IPO9: variants seen among roughly 807,000 people sequenced by gnomAD.
The protein encoded by IPO9 is importin 9.
In IPO9, 28 loss-of-function variants were observed where a neutral mutation model predicts 128.6. The ratio of observed to expected loss-of-function variants is 0.22; its 90% CI spans 0.16 to 0.30. The LOEUF (loss-of-function observed/expected upper bound fraction) is 0.30, where lower values mean the gene tolerates loss of function less well. Ranked by LOEUF, IPO9 falls within the 10% of genes least tolerant of loss-of-function variation. The pLI, the probability that IPO9 is intolerant of heterozygous loss-of-function variation, is 1.00. For synonymous variants in IPO9, 455 were observed against 475.8 expected, an observed-to-expected ratio of 0.96 and a Z score of 0.57; for missense variants, 935 against 1,293.9, an observed-to-expected ratio of 0.72 and a Z score of 4.26.
intron 20 of IPO9, among the ~76,000 whole-genome samples, chr1:201,873,203 G>A (rs1276951309): frequency 1.3e-5 from 2 of 152,164 alleles, no homozygotes; most frequent in East Asian, 3.9e-4. Flanking sequence ...AGCACTTGGT[G>A]GGAGGCCAGA....
intron 13 of IPO9, among the ~76,000 whole-genome samples, chr1:201,859,350 C>T (rs575915424): frequency 6.6e-6 from 1 of 151,662 alleles, no homozygotes; most frequent in African/African-American, 2.4e-5. Context: ...GCCCAGAGGC[C>T]GATTCAAGCT....
At position 201,870,193 on chromosome 1, in the gene IPO9, A is replaced by G. The variant is rs1001756900; in HGVS notation, c.2134-390A>G. Among the ~76,000 whole-genome samples, 6 of 152,186 alleles carry G rather than the reference A, an allele frequency of 3.9e-5. No individual in the cohort carries two copies. Among genetic ancestry groups the G allele is most frequent in the African/African-American group, 1.2e-4 (5 of 41,444 alleles). On this transcript the variant is annotated intron_variant, in intron 17 of 23. Transcript: ENST00000361565. The surrounding 1 kb of genome is among the most constrained non-coding windows in gnomAD (Gnocchi z 4.9). The stretch of plus-strand genomic sequence containing the variant: ...CCAGTGAATATTGATCAGCTTGGAA[A>G]TCCCTAGGCAACTAGTGGTTTGTGT...
intron 1 of IPO9, among the ~76,000 whole-genome samples, chr1:201,831,777 G>T (rs1435820616): frequency 1.3e-5 from 2 of 152,146 alleles, no homozygotes; most frequent in African/African-American, 4.8e-5. Flanking sequence ...GATGAAACTG[G>T]CAGGACATGG....
At chr1:201,833,250 A>G (rs1478172133) in intron 1 of IPO9, among the ~76,000 whole-genome samples, 1 of 134,354 alleles carries the variant, frequency 7.4e-6, no homozygotes, top group Non-Finnish European at 1.6e-5. Context: ...TTTTAATTTT[A>G]TTTTTTGAGA....
At chr1:201,852,647 T>C (rs930153576) in intron 5 of IPO9, among the ~76,000 whole-genome samples, 3 of 152,232 alleles carry the variant, frequency 2.0e-5, no homozygotes, top group African/African-American at 7.2e-5. Flanking sequence ...TGATGGATAA[T>C]GTTTTAACTT....
intron 1 of IPO9, among the ~76,000 whole-genome samples, chr1:201,844,397 G>A (rs746004131): frequency 6.6e-6 from 1 of 152,134 alleles, no homozygotes; most frequent in Non-Finnish European, 1.5e-5. Flanking sequence ...TTCACCAGAA[G>A]TGTTCTGGTC....
rs1028818137 is a variant in IPO9, at chr1:201,881,528, G to A, written c.*5474G>A. On this transcript the variant is annotated 3_prime_UTR_variant, in exon 24 of 24. Transcript: ENST00000361565. ...TTTCATTTTCAGACCTTATAAGCAC[G>A]TTACAAGTACTGATATTTATGCTTA... 6.6e-6 allele frequency: 1 copy of A among 152,146 alleles called. No individual in the cohort carries two copies. Among genetic ancestry groups the A allele is most frequent in the African/African-American group, 2.4e-5 (1 of 41,426 alleles). The allele number at this position is 152,146 out of a possible 1,614,324, so 9.4% of individuals were successfully genotyped here. A position where few individuals can be genotyped will look rare whatever the true frequency, so the allele number is the denominator to read the frequency against.
intron 3 of IPO9, 32 bp downstream of exon 3, chr1:201,847,670 G>A (rs754546904): frequency 4.9e-6 from 7 of 1,420,204 alleles, no homozygotes; most frequent in Non-Finnish European, 7.0e-6. Flanking sequence ...TCTACCTGAG[G>A]AGATTTGAGG....
Position 201,875,325 on chromosome 1 carries a change from C to A in IPO9, c.3015+97C>A. 6 of 1,102,084 alleles carry A rather than the reference C, an allele frequency of 5.4e-6. No homozygotes were observed. In the South Asian group the frequency reaches 6.2e-5, roughly 11 times the overall value. The allele number at this position is 1,102,084 out of a possible 1,614,324, so 68.3% of individuals were successfully genotyped here. ...CCATTTATAGCCAGGCATGGTGGCT[C>A]ATGCCTGTAATCCCAACACTTTGGG... On this transcript the variant is annotated intron_variant, in intron 23 of 23. Coordinates refer to ENST00000361565, the MANE Select transcript of IPO9 (RefSeq NM_018085.5).
intron 13 of IPO9, among the ~76,000 whole-genome samples, chr1:201,860,589 T>G (rs1680424481): frequency 6.6e-6 from 1 of 152,238 alleles, no homozygotes. Flanking sequence ...TTTAGAATAT[T>G]TGTTATTTAG....
chr1:201,848,653 C>G (rs1168640065), intron 4 of IPO9, 59 bp downstream of exon 4: 1 of 1,543,822 alleles, frequency 6.5e-7, no homozygotes, highest in East Asian at 2.2e-5. Context: ...AGGAGTATTA[C>G]CAGAAGCTAT....
At chr1:201,855,367 A>G (rs1680312775) in intron 9 of IPO9, among the ~76,000 whole-genome samples, 185 bp downstream of exon 9, 1 of 152,216 alleles carries the variant, frequency 6.6e-6, no homozygotes, top group East Asian at 1.9e-4. Flanking sequence ...TGTTCCACAT[A>G]GGTAGTTGCA....
At chr1:201,843,764 G>T (rs1433340350) in intron 1 of IPO9, among the ~76,000 whole-genome samples, 2 of 150,966 alleles carry the variant, frequency 1.3e-5, no homozygotes, top group Non-Finnish European at 1.5e-5. Context: ...GGAGACAGAG[G>T]TTGCAGTGAA....
rs530133247 is a variant in IPO9, at chr1:201,829,722, A to G, written c.163+350A>G. 1.5e-3 allele frequency among the ~76,000 whole-genome samples: 221 copies of G among 152,268 alleles called. 1 individual carries two copies. The highest frequency in any genetic ancestry group is 2.7e-3 in the South Asian group (13 of 4,820). On this transcript the variant is annotated intron_variant, in intron 1 of 23. Coordinates refer to ENST00000361565, the MANE Select transcript of IPO9 (RefSeq NM_018085.5). ...GAAATATTTTTTGAGTCCAGGACCA[A>G]AGTCTTTCGCTGTTCTCTTCACCAG...
rs769965849 is a variant in IPO9, at chr1:201,855,919, A to T, written c.1107A>T (p.Gln369His). 1 of 1,590,368 alleles carries T rather than the reference A, an allele frequency of 6.3e-7. No homozygotes were observed. Among genetic ancestry groups the T allele is most frequent in the Non-Finnish European group, 8.5e-7 (1 of 1,173,932 alleles). Reference sequence around the variant, plus strand: ...TTTATTATATTATCCTGTACATGCAAATCACTGAGGAGCAGGTAAATAATA... The same window carrying T: ...TTTATTATATTATCCTGTACATGCATATCACTGAGGAGCAGGTAAATAATA... ...ELIYYIILYM[Q>H]ITEEQIKVWT... The change falls in exon 10 of 24, where the codon CAA becomes CAT. Residue 369 changes from glutamine to histidine, a missense_variant. This residue lies in a region of IPO9 where 741 missense variants were observed against 1,019.1 expected (regional missense o/e 0.73). Transcript: ENST00000361565.
intron 1 of IPO9, among the ~76,000 whole-genome samples, chr1:201,837,975 C>T (rs1292645882): frequency 1.3e-5 from 2 of 152,122 alleles, no homozygotes; most frequent in East Asian, 3.8e-4. Context: ...GAGGCTGAGG[C>T]AGGAGGATCG....
intron 20 of IPO9, among the ~76,000 whole-genome samples, chr1:201,873,576 C>T (rs1469292697): frequency 3.3e-5 from 5 of 151,080 alleles, no homozygotes; most frequent in Non-Finnish European, 5.9e-5. Context: ...AGAGAAACCC[C>T]GTCTCTACCA....
At chr1:201,843,394 A>G (rs1361331906) in intron 1 of IPO9, among the ~76,000 whole-genome samples, 8 of 152,254 alleles carry the variant, frequency 5.3e-5, no homozygotes, top group Non-Finnish European at 1.0e-4. Context: ...AATGGGGGAA[A>G]AAAAAAGAAA....
At chr1:201,839,299 A>G (rs560705207) in intron 1 of IPO9, among the ~76,000 whole-genome samples, 1 of 148,456 alleles carries the variant, frequency 6.7e-6, no homozygotes, top group East Asian at 2.0e-4. Context: ...TCACTGCAAC[A>G]TCTGCCTCCC....
Sources: allele counts gnomAD v4.1 joint callset (sites outside exome capture counted in the v4.1 genomes callset), GRCh38; gene constraint gnomAD v4.1.1; regional missense constraint gnomAD v4.1.1; non-coding constraint Gnocchi (gnomAD v3.1); transcripts MANE v1.5; gene names NCBI Gene and HGNC (gene_info 2026-07-23, HGNC 2026-07-21).